Variants in TNR observed in about 807,000 individuals in gnomAD.
The protein encoded by TNR is tenascin-R.
Under a neutral mutation model 150.4 loss-of-function variants are expected in TNR, and 45 were observed. The ratio of observed to expected loss-of-function variants is 0.30; its 90% CI spans 0.24 to 0.38. TNR has a LOEUF of 0.38. TNR is among the 10% of genes least tolerant of loss of function. TNR has a pLI of 1.00. For missense variants in TNR, 1,544 were observed against 1,759.1 expected, an observed-to-expected ratio of 0.88 and a Z score of 2.19; for synonymous variants, 687 against 678.4, an observed-to-expected ratio of 1.01 and a Z score of -0.20.
At chr1:175,417,872 A>T (rs1410765017) in intron 2 of TNR, among the ~76,000 whole-genome samples, 1 of 152,180 alleles carries the variant, frequency 6.6e-6, no homozygotes, top group Non-Finnish European at 1.5e-5. Flanking sequence ...CATATATTGG[A>T]TAGCCATTCG....
chr1:175,678,833 G>A (rs899815063), intron 1 of TNR, among the ~76,000 whole-genome samples: 1 of 152,230 alleles, frequency 6.6e-6, no homozygotes, highest in African/African-American at 2.4e-5. Flanking sequence ...CTGCCCTTCT[G>A]GGAAGGCAGA....
At chr1:175,684,729 A>G (rs1666138343) in intron 1 of TNR, among the ~76,000 whole-genome samples, 1 of 152,212 alleles carries the variant, frequency 6.6e-6, no homozygotes, top group South Asian at 2.1e-4. Context: ...AGTGCTCTAT[A>G]GTTAGCTAGG....
At chr1:175,377,404 C>T (rs1413097399) in intron 9 of TNR, among the ~76,000 whole-genome samples, 1 of 151,134 alleles carries the variant, frequency 6.6e-6, no homozygotes, top group Non-Finnish European at 1.5e-5. Context: ...TAGCCTGCGG[C>T]TCTAGGCAGG....
At chr1:175,548,219 C>T (rs1660790254) in intron 1 of TNR, among the ~76,000 whole-genome samples, 1 of 152,092 alleles carries the variant, frequency 6.6e-6, no homozygotes, top group South Asian at 2.1e-4. Context: ...TTTTAGAACC[C>T]CATGTCTACA....
chr1:175,315,670 A>T lies in TNR; in HGVS notation c.*7687T>A, dbSNP rs1648813760. On this transcript the variant is annotated 3_prime_UTR_variant, in exon 23 of 23. Transcript: ENST00000367674. ...TTTCAGCTGCTCGGAGCCCCAGTTA[A>T]TGACCCCCTCAGTGTCACAGTGATT... 1 of 152,238 alleles carries T rather than the reference A, an allele frequency of 6.6e-6. No homozygotes were observed. The highest frequency in any genetic ancestry group is 1.5e-5 in the Non-Finnish European group (1 of 68,074). The allele number at this position is 152,238 out of a possible 1,614,324, so 9.4% of individuals were successfully genotyped here.
intron 1 of TNR, among the ~76,000 whole-genome samples, chr1:175,564,954 C>T (rs577552802): frequency 1.2e-4 from 18 of 152,228 alleles, no homozygotes; most frequent in Admixed American, 5.2e-4. Context: ...TCTATCTCCT[C>T]TTTATCTCAG....
intron 1 of TNR, among the ~76,000 whole-genome samples, chr1:175,683,915 C>T (rs1275917790): frequency 2.0e-5 from 3 of 152,220 alleles, no homozygotes; most frequent in African/African-American, 4.8e-5. Context: ...TGTGAGCTTT[C>T]GTGCCCATAC....
At chr1:175,409,671 C>G (rs1432810076) in intron 2 of TNR, among the ~76,000 whole-genome samples, 1 of 152,174 alleles carries the variant, frequency 6.6e-6, no homozygotes, top group Non-Finnish European at 1.5e-5. Context: ...CTTCTAGGTG[C>G]CTGGGATGTT....
At chr1:175,333,293 T>C (rs1650040629) in intron 20 of TNR, 2 of 152,366 alleles carry the variant, frequency 1.3e-5, no homozygotes, top group Non-Finnish European at 2.9e-5. Flanking sequence ...TATAGAAATT[T>C]TAAGTGCATG....
At position 175,536,334 on chromosome 1, in the gene TNR, C is replaced by T. The variant is rs577642301; in HGVS notation, c.-164-7965G>A. On this transcript the variant is annotated intron_variant, in intron 1 of 22. Transcript: ENST00000367674. ...CCATTAAAAAGGGTCAGAACCCTGG[C>T]CTTGGGAGGAAGAAATGACTGGCAT... Among the ~76,000 whole-genome samples the T allele has an allele frequency of 2.6e-5, 4 of 152,302 alleles. No homozygotes were observed. The East Asian group carries it at 7.7e-4, about 29-fold the overall frequency.
intron 1 of TNR, among the ~76,000 whole-genome samples, chr1:175,649,099 G>A (rs1333162075): frequency 6.6e-6 from 1 of 152,312 alleles, no homozygotes; most frequent in African/African-American, 2.4e-5. Flanking sequence ...GCTGTCCATG[G>A]CTGCCCACAG....
intron 3 of TNR, among the ~76,000 whole-genome samples, chr1:175,405,934 A>T (rs1264045186): frequency 6.6e-6 from 1 of 152,168 alleles, no homozygotes; most frequent in Non-Finnish European, 1.5e-5. Context: ...TACCTGACTC[A>T]TCCCCCCAAA....
intron 1 of TNR, among the ~76,000 whole-genome samples, chr1:175,701,601 G>C (rs754723649): frequency 2.6e-5 from 4 of 152,190 alleles, no homozygotes; most frequent in Admixed American, 1.3e-4. Flanking sequence ...ACAGGGGAGG[G>C]AGAGTGTCTC....
chr1:175,718,971 C>T (rs1377247135), intron 1 of TNR, among the ~76,000 whole-genome samples: 1 of 152,180 alleles, frequency 6.6e-6, no homozygotes. Flanking sequence ...CCCGCAATCC[C>T]ACAATCTGCC....
Position 175,403,369 on chromosome 1 carries a change from C to G in TNR, c.747G>C (p.Glu249Asp). Reference sequence around the variant, plus strand: ...CAGTGTAGGGCTCTTCACAGACACACTCCCCGTCCACGCAGAGCCCCCGGG... The same window carrying G: ...CAGTGTAGGGCTCTTCACAGACACAGTCCCCGTCCACGCAGAGCCCCCGGG... ...CSSRGLCVDGECVCEEPYTGE... is the reference protein window; with the variant it reads ...CSSRGLCVDGDCVCEEPYTGE... The change falls in exon 4 of 23, where the codon GAG becomes GAC. Residue 249 changes from glutamate to aspartate, a missense_variant. Transcript: ENST00000367674. The G allele has an allele frequency of 6.2e-7, 1 of 1,614,170 alleles. No individual in the cohort carries two copies. The highest frequency in any genetic ancestry group is 8.5e-7 in the Non-Finnish European group (1 of 1,180,022).
chr1:175,698,828 A>C (rs954609213), intron 1 of TNR, among the ~76,000 whole-genome samples: 11 of 152,048 alleles, frequency 7.2e-5, no homozygotes, highest in Non-Finnish European at 1.6e-4. Flanking sequence ...TCTCAAAAAA[A>C]AAAAGGTGGT....
chr1:175,346,783 T>A (rs1650805914), intron 18 of TNR, among the ~76,000 whole-genome samples: 1 of 151,662 alleles, frequency 6.6e-6, no homozygotes, highest in African/African-American at 2.4e-5. Context: ...GTCAAATGTT[T>A]CCTATTCCAA....
intron 1 of TNR, among the ~76,000 whole-genome samples, chr1:175,721,576 C>G (rs1468998570): frequency 6.6e-6 from 1 of 152,138 alleles, no homozygotes; most frequent in Non-Finnish European, 1.5e-5. Context: ...ATGCCGTGGG[C>G]TTCTCTTCAT....
chr1:175,714,091 T>G (rs750119353), intron 1 of TNR, among the ~76,000 whole-genome samples: 7 of 151,718 alleles, frequency 4.6e-5, no homozygotes, highest in Non-Finnish European at 8.8e-5. Flanking sequence ...GCTTGTATGG[T>G]TTCTTCACTC....
Sources: allele counts gnomAD v4.1 joint callset (sites outside exome capture counted in the v4.1 genomes callset), GRCh38; gene constraint gnomAD v4.1.1; transcripts MANE v1.5; gene names NCBI Gene and HGNC (gene_info 2026-07-23, HGNC 2026-07-21).